The following TOX2 variants were observed in gnomAD, a reference collection of about 807,000 sequenced individuals.
The protein encoded by TOX2 is TOX high mobility group box family member 2.
Under a neutral mutation model 47.4 loss-of-function variants are expected in TOX2, and 15 were observed. That is an observed-to-expected ratio of 0.32 (90% CI 0.21 to 0.49). The LOEUF is 0.49. Among genes scored for constraint, TOX2 ranks in the 20% least tolerant of loss-of-function variants. The pLI, the probability that TOX2 is intolerant of heterozygous loss-of-function variation, is 0.99. For missense variants in TOX2, 622 were observed against 673.1 expected (o/e 0.92, Z 0.84); for synonymous variants, 290 against 296.6 (o/e 0.98, Z 0.23).
rs138857113 is a variant in TOX2, at chr20:43,952,747, A to G, written c.100-20620A>G. On this transcript the variant is annotated intron_variant, in intron 1 of 8. Coordinates refer to ENST00000341197, the MANE Select transcript of TOX2 (RefSeq NM_001098797.2). ...AGTAGTAAAGTCTACCACAGCAGGT[A>G]CTTCCCTCTCTGCCCTCTCCAGACA... 2.0e-5 allele frequency among the ~76,000 whole-genome samples: 3 copies of G among 152,320 alleles called. No homozygotes were observed. In the East Asian group the frequency reaches 5.8e-4, roughly 29 times the overall value.
intron 1 of TOX2, among the ~76,000 whole-genome samples, chr20:43,927,294 A>G (rs532945655): frequency 1.3e-5 from 2 of 152,196 alleles, no homozygotes; most frequent in African/African-American, 4.8e-5. Flanking sequence ...ACAAAGGTGA[A>G]ATTCTCTTGC....
intron 5 of TOX2, among the ~76,000 whole-genome samples, chr20:44,056,788 CTATT>C (rs2145773476): frequency 6.6e-6 from 1 of 152,186 alleles, no homozygotes; most frequent in East Asian, 1.9e-4. Context: ...GCCAAGCTTA[CTATT>C]TATTTTATCA....
intron 2 of TOX2, 83 bp from the exon 3 acceptor site, chr20:44,006,464 T>C (rs1191946507): frequency 9.2e-6 from 14 of 1,525,140 alleles, no homozygotes; most frequent in Non-Finnish European, 1.2e-5. Context: ...ATCGTTATTA[T>C]TGTTGCTGTT....
At chr20:44,017,709 A>C (rs188625612) in intron 3 of TOX2, among the ~76,000 whole-genome samples, 2 of 152,234 alleles carry the variant, frequency 1.3e-5, no homozygotes, top group African/African-American at 4.8e-5. Context: ...CTTTCTATTT[A>C]TAATCTCACT....
intron 1 of TOX2, among the ~76,000 whole-genome samples, chr20:43,968,150 A>G (rs1012490246): frequency 6.6e-5 from 10 of 151,998 alleles, no homozygotes; most frequent in African/African-American, 2.2e-4. Context: ...CTATCCACCC[A>G]TCCATTCGTC....
chr20:44,065,938 T>C lies in TOX2; in HGVS notation c.1187T>C (p.Phe396Ser). 1.2e-6 allele frequency: 2 copies of C among 1,611,934 alleles called. No homozygotes were observed. Among genetic ancestry groups the C allele is most frequent in the Non-Finnish European group, 1.7e-6 (2 of 1,178,964 alleles). The change falls in exon 7 of 9, where the codon TTC becomes TCC. Residue 396 changes from phenylalanine to serine, a missense_variant. Coordinates refer to ENST00000341197, the MANE Select transcript of TOX2 (RefSeq NM_001098797.2). ...GCGTCCCCGCCGCCGCCACCCTCCTTCCCGCTCAGCCCCACACTGCACCAG... is the reference window on the plus strand; with the variant it reads ...GCGTCCCCGCCGCCGCCACCCTCCTCCCCGCTCAGCCCCACACTGCACCAG... The part of the protein sequence containing the change: ...LSASPPPPPS[F>S]PLSPTLHQQL...
intron 1 of TOX2, among the ~76,000 whole-genome samples, chr20:43,918,556 C>T (rs957295224): frequency 9.9e-5 from 15 of 152,170 alleles, no homozygotes; most frequent in African/African-American, 2.7e-4. Flanking sequence ...GGTATATTAA[C>T]CATGCTTAAG....
In TOX2 at chr20:43,973,353, T is replaced by C; in HGVS notation, c.100-14T>C. 1 of 1,613,922 alleles carries C rather than the reference T, an allele frequency of 6.2e-7. No individual in the cohort carries two copies. The highest frequency in any genetic ancestry group is 1.1e-5 in the South Asian group (1 of 91,080). On this transcript the variant is annotated splice_polypyrimidine_tract_variant and intron_variant, in intron 1 of 8. Coordinates refer to ENST00000341197, the MANE Select transcript of TOX2 (RefSeq NM_001098797.2). ...TTTTAATCAGAGCTGCTTCTCCCTC[T>C]CTCTCTATTCTAGTTTGATGGTGAC...
chr20:44,019,741 A>G (rs1021232602), intron 3 of TOX2, among the ~76,000 whole-genome samples: 7 of 152,220 alleles, frequency 4.6e-5, no homozygotes, highest in African/African-American at 1.7e-4. Flanking sequence ...CCGGAAACTG[A>G]TAACAAGACC....
intron 1 of TOX2, among the ~76,000 whole-genome samples, chr20:43,929,473 C>A (rs139629813): frequency 2.0e-5 from 3 of 151,810 alleles, no homozygotes; most frequent in Non-Finnish European, 4.4e-5. Flanking sequence ...AGTCACCTGG[C>A]CTTCTTGCTA....
intron 4 of TOX2, among the ~76,000 whole-genome samples, chr20:44,052,511 G>A (rs185952252): frequency 7.7e-4 from 117 of 152,324 alleles, no homozygotes; most frequent in South Asian, 4.4e-3. Flanking sequence ...GGACTTTGGG[G>A]GAAGAGGGGT....
intron 1 of TOX2, among the ~76,000 whole-genome samples, chr20:43,940,477 G>T (rs2069388454): frequency 6.6e-6 from 1 of 151,672 alleles, no homozygotes; most frequent in Non-Finnish European, 1.5e-5. Context: ...TCCCATCTCG[G>T]CCTCACAAAT....
rs2069044917 is a variant in TOX2, at chr20:43,915,466, A to G, written c.99+476A>G. The stretch of plus-strand genomic sequence containing the variant: ...CCACCCGCTGTCACACCCAGGCACA[A>G]CGGGGGACAGTCACACAAAGAAGTC... On this transcript the variant is annotated intron_variant, in intron 1 of 8. Coordinates refer to ENST00000341197, the MANE Select transcript of TOX2 (RefSeq NM_001098797.2). This position sits in a 1 kb window ranked among gnomAD's most constrained non-coding sequence, Gnocchi z 7.1. 6.6e-6 allele frequency among the ~76,000 whole-genome samples: 1 copy of G among 151,980 alleles called. No homozygotes were observed. The highest frequency in any genetic ancestry group is 1.5e-5 in the Non-Finnish European group (1 of 67,976).
At chr20:43,973,922 G>A (rs1016865340) in intron 2 of TOX2, among the ~76,000 whole-genome samples, 4 of 152,198 alleles carry the variant, frequency 2.6e-5, no homozygotes, top group East Asian at 3.8e-4. Flanking sequence ...AGGTCTTACT[G>A]GTGGCAAAGG....
chr20:44,039,394 CT>C (rs1471289776), intron 3 of TOX2, among the ~76,000 whole-genome samples: 1 of 152,122 alleles, frequency 6.6e-6, no homozygotes, highest in Non-Finnish European at 1.5e-5. Flanking sequence ...AAGTGGGCCC[CT>C]GGGAGCTGCT....
intron 1 of TOX2, among the ~76,000 whole-genome samples, chr20:43,918,438 C>A (rs938010942): frequency 2.6e-5 from 4 of 152,160 alleles, no homozygotes; most frequent in Non-Finnish European, 5.9e-5. Context: ...TTCCGTCATC[C>A]CAGGAAGTTC....
intron 8 of TOX2, 140 bp from the exon 9 acceptor site, chr20:44,068,510 C>G: frequency 9.4e-6 from 8 of 853,532 alleles, no homozygotes; most frequent in Admixed American, 3.3e-5. Context: ...GTGGGACTTG[C>G]AGATGCAAGT....
intron 2 of TOX2, among the ~76,000 whole-genome samples, chr20:43,978,485 T>C (rs1295580042): frequency 6.6e-6 from 1 of 152,090 alleles, no homozygotes; most frequent in Non-Finnish European, 1.5e-5. Context: ...CTATGACTTA[T>C]TATTTTTTAC....
chr20:44,041,339 G>A (rs914242303), intron 3 of TOX2, among the ~76,000 whole-genome samples: 2 of 152,198 alleles, frequency 1.3e-5, no homozygotes, highest in Non-Finnish European at 2.9e-5. Context: ...ACAGAAGCAT[G>A]GTAAAGGGGG....
Sources: gnomAD v4.1 joint callset for allele counts (sites outside exome capture counted in the v4.1 genomes callset) on GRCh38, gnomAD v4.1.1 for gene constraint, Gnocchi (gnomAD v3.1) non-coding constraint, MANE v1.5 for transcripts, NCBI Gene and HGNC (gene_info 2026-07-23, HGNC 2026-07-21) for gene names.